Variants in CCDC88C observed in about 807,000 individuals in gnomAD.
CCDC88C encodes protein Daple.
A neutral mutation model predicts 198.8 loss-of-function variants in CCDC88C; 131 were observed. The ratio of observed to expected loss-of-function variants is 0.66; its 90% CI spans 0.57 to 0.76. The LOEUF (loss-of-function observed/expected upper bound fraction) is 0.76, where lower values mean the gene tolerates loss of function less well. CCDC88C is among the 30% of genes least tolerant of loss of function. The pLI is 0.00. For synonymous variants in CCDC88C, 1,166 were observed against 1,114.7 expected (o/e 1.05, Z -0.92); for missense variants, 2,553 against 2,631.6 (o/e 0.97, Z 0.65).
intron 3 of CCDC88C, among the ~76,000 whole-genome samples, chr14:91,373,799 T>C (rs557095024): frequency 1.5e-3 from 231 of 152,312 alleles, no homozygotes; most frequent in African/African-American, 5.4e-3. Context: ...GCTGTCCAAG[T>C]TGGGGGGTGG....
Position 91,309,843 on chromosome 14 carries a change from G to C in CCDC88C, c.2864+16C>G, listed in dbSNP as rs1411113664. On this transcript the variant is annotated intron_variant, in intron 16 of 29. Coordinates refer to ENST00000389857, the MANE Select transcript of CCDC88C (RefSeq NM_001080414.4). Reference sequence around the variant, plus strand: ...GAAGTGCTCCCACGATGGGGAGAGGGAGAAGAGGCCCTCACGTGTCACTGC... The same window carrying C: ...GAAGTGCTCCCACGATGGGGAGAGGCAGAAGAGGCCCTCACGTGTCACTGC... The C allele has an allele frequency of 1.2e-6, 2 of 1,601,452 alleles. No homozygotes were observed. Among genetic ancestry groups the C allele is most frequent in the African/African-American group, 1.3e-5 (1 of 74,672 alleles).
At chr14:91,364,010 G>T (rs1894422895) in intron 3 of CCDC88C, among the ~76,000 whole-genome samples, 1 of 152,282 alleles carries the variant, frequency 6.6e-6, no homozygotes, top group Non-Finnish European at 1.5e-5. Context: ...CACCAGGCTG[G>T]AGAGTGCAAG....
At chr14:91,397,832 G>C (rs1885945165) in intron 3 of CCDC88C, among the ~76,000 whole-genome samples, 1 of 152,208 alleles carries the variant, frequency 6.6e-6, no homozygotes, top group South Asian at 2.1e-4. Context: ...GACTGGCCCT[G>C]CCAGCCTTTA....
chr14:91,348,445 T>C (rs770924712), intron 4 of CCDC88C, among the ~76,000 whole-genome samples: 1 of 151,802 alleles, frequency 6.6e-6, no homozygotes, highest in Non-Finnish European at 1.5e-5. Context: ...GCCACTGCAC[T>C]GTAGCCTGGG....
chr14:91,364,665 G>A (rs1304505913), intron 3 of CCDC88C, among the ~76,000 whole-genome samples: 2 of 152,138 alleles, frequency 1.3e-5, no homozygotes, highest in East Asian at 1.9e-4. Context: ...TTGTCACCCC[G>A]GCAGGAAGGT....
intron 4 of CCDC88C, among the ~76,000 whole-genome samples, chr14:91,351,530 A>C (rs11851964): frequency 1.6e-4 from 24 of 152,306 alleles, no homozygotes; most frequent in African/African-American, 5.5e-4. Context: ...ATGCTCCATC[A>C]TATGTGTCCC....
At chr14:91,275,776 G>T (rs1650814929) in intron 29 of CCDC88C, among the ~76,000 whole-genome samples, 1 of 149,320 alleles carries the variant, frequency 6.7e-6, no homozygotes, top group African/African-American at 2.5e-5. Flanking sequence ...CAAAGTGCTG[G>T]AATGACAGGC....
Position 91,417,694 on chromosome 14 carries a change from G to A in CCDC88C, c.-4C>T, listed in dbSNP as rs1175567938. The A allele has an allele frequency of 2.6e-6, 4 of 1,535,168 alleles. No individual in the cohort carries two copies. Among genetic ancestry groups the A allele is most frequent in the Non-Finnish European group, 3.5e-6 (4 of 1,145,268 alleles). On this transcript the variant is annotated 5_prime_UTR_variant, in exon 1 of 30. Transcript: ENST00000389857. ...GCTCCGAGACTGTCACGTCCATGCT[G>A]AGGCTGCGCCCGCCGGCTCCGCGCC...
intron 3 of CCDC88C, among the ~76,000 whole-genome samples, chr14:91,367,436 G>C (rs1184706902): frequency 6.6e-6 from 1 of 152,156 alleles, no homozygotes. Context: ...GAGTGACGTC[G>C]GCTTCGCAGG....
intron 21 of CCDC88C, 44 bp downstream of exon 21, chr14:91,299,883 A>G (rs1353443057): frequency 1.3e-6 from 2 of 1,536,722 alleles, no homozygotes; most frequent in East Asian, 2.3e-5. Flanking sequence ...GTCTGAACAG[A>G]ATCTGGGGTG....
intron 21 of CCDC88C, among the ~76,000 whole-genome samples, chr14:91,299,142 A>G (rs778583051): frequency 1.3e-5 from 2 of 152,372 alleles, no homozygotes; most frequent in South Asian, 2.1e-4. Flanking sequence ...TGATCAATAC[A>G]TAACCTTGTT....
At chr14:91,391,312 C>A (rs573455104) in intron 3 of CCDC88C, among the ~76,000 whole-genome samples, 2 of 151,918 alleles carry the variant, frequency 1.3e-5, no homozygotes, top group South Asian at 4.2e-4. Flanking sequence ...TATGCATAAC[C>A]TAAAAAAAAG....
chr14:91,333,436 C>T lies in CCDC88C; in HGVS notation c.1050+4569G>A, dbSNP rs58590525. 5.6e-3 allele frequency among the ~76,000 whole-genome samples: 855 copies of T among 152,244 alleles called. 7 individuals carry two copies. Among genetic ancestry groups the T allele is most frequent in the African/African-American group, 0.02 (824 of 41,530 alleles). ...ACAGATTGAGTTGGTGTAGTGTGTTCTTGGTTATCAAAATACTCATACAGC... is the reference window on the plus strand; with the variant it reads ...ACAGATTGAGTTGGTGTAGTGTGTTTTTGGTTATCAAAATACTCATACAGC... On this transcript the variant is annotated intron_variant, in intron 10 of 29. Coordinates refer to ENST00000389857, the MANE Select transcript of CCDC88C (RefSeq NM_001080414.4).
Position 91,338,837 on chromosome 14 carries a change from A to G in CCDC88C, c.810-267T>C. 2.0e-6 allele frequency: 1 copy of G among 511,310 alleles called. No individual in the cohort carries two copies. The highest frequency in any genetic ancestry group is 3.2e-5 in the Admixed American group (1 of 31,172). The allele number at this position is 511,310 out of a possible 1,614,324, so 31.7% of individuals were successfully genotyped here. A position where few individuals can be genotyped will look rare whatever the true frequency, so the allele number is the denominator to read the frequency against. ...TGTGTGGGGCAGGTAAGGAGACCCC[A>G]GCGGCAGCTGTACCACCCCACAGCC... On this transcript the variant is annotated intron_variant, in intron 8 of 29. Coordinates refer to ENST00000389857, the MANE Select transcript of CCDC88C (RefSeq NM_001080414.4). This position sits in a 1 kb window ranked among gnomAD's most constrained non-coding sequence, Gnocchi z 4.8.
At chr14:91,275,966 C>T (rs369731860) in intron 29 of CCDC88C, among the ~76,000 whole-genome samples, 9 of 151,630 alleles carry the variant, frequency 5.9e-5, no homozygotes, top group African/African-American at 1.7e-4. Context: ...GGACTACAGG[C>T]GCGCGCCACC....
chr14:91,370,194 C>A (rs906896113), intron 3 of CCDC88C, among the ~76,000 whole-genome samples: 2 of 152,252 alleles, frequency 1.3e-5, no homozygotes, highest in African/African-American at 4.8e-5. Flanking sequence ...CTCTGAGCCA[C>A]ACCCTCATCT....
At position 91,289,200 on chromosome 14, in the gene CCDC88C, TGA is replaced by T. The variant is rs1357224117; in HGVS notation, c.4344_4345del (p.Gln1449AlafsTer49). On this transcript the variant is annotated frameshift_variant, in exon 25 of 30. Coordinates refer to ENST00000389857, the MANE Select transcript of CCDC88C (RefSeq NM_001080414.4). LOFTEE classifies it high-confidence loss of function. ...GTTCTCGGCCTGTGATCTGAGCGGC[TGA>T]GAGGCCGCCGGCGAGGCGGGGTCTG... is the stretch of plus-strand genomic sequence containing the variant. 1 of 1,613,966 alleles carries T rather than the reference TGA, an allele frequency of 6.2e-7. No individual in the cohort carries two copies. The highest frequency in any genetic ancestry group is 8.5e-7 in the Non-Finnish European group (1 of 1,179,872).
chr14:91,359,528 C>T, intron 4 of CCDC88C, 114 bp downstream of exon 4: 22 of 762,106 alleles, frequency 2.9e-5, no homozygotes, highest in Non-Finnish European at 4.3e-5. Flanking sequence ...AAAACGATCA[C>T]GTGTTTTCAC....
intron 3 of CCDC88C, among the ~76,000 whole-genome samples, chr14:91,407,089 C>A (rs545905348): frequency 1.3e-5 from 2 of 152,186 alleles, no homozygotes; most frequent in Non-Finnish European, 1.5e-5. Context: ...GCCAGCCCCC[C>A]CCACCCAACA....
Sources: gnomAD v4.1 joint callset for allele counts (sites outside exome capture counted in the v4.1 genomes callset) on GRCh38, gnomAD v4.1.1 for gene constraint, Gnocchi (gnomAD v3.1) non-coding constraint, MANE v1.5 for transcripts, NCBI Gene and HGNC (gene_info 2026-07-23, HGNC 2026-07-21) for gene names.